The following BRINP1 variants were observed in gnomAD, a reference collection of about 807,000 sequenced individuals.
BRINP1 encodes the protein BMP/retinoic acid inducible neural specific 1.
A neutral mutation model predicts 72.9 loss-of-function variants in BRINP1; 17 were observed. The ratio of observed to expected loss-of-function variants is 0.23; its 90% CI spans 0.16 to 0.35. BRINP1 has a LOEUF of 0.35. BRINP1 is among the 10% of genes least tolerant of loss of function. The pLI is 1.00. For synonymous variants in BRINP1, 418 were observed against 378.5 expected, an observed-to-expected ratio of 1.10 and a Z score of -1.21; for missense variants, 850 against 1,001.6, an observed-to-expected ratio of 0.85 and a Z score of 2.04.
At chr9:119,204,324 A>C (rs1385291969) in intron 7 of BRINP1, among the ~76,000 whole-genome samples, 1 of 152,194 alleles carries the variant, frequency 6.6e-6, no homozygotes, top group Non-Finnish European at 1.5e-5. Context: ...ATTGTTTTAC[A>C]CCAATAGAGA....
At chr9:119,214,812 A>G (rs1829962074) in intron 5 of BRINP1, among the ~76,000 whole-genome samples, 1 of 152,156 alleles carries the variant, frequency 6.6e-6, no homozygotes, top group Admixed American at 6.5e-5. Flanking sequence ...AAGTAAGAGA[A>G]CACTAGGTTA....
chr9:119,214,160 G>T lies in BRINP1; in HGVS notation c.686-5C>A, dbSNP rs760978800. 1.9e-6 allele frequency: 3 copies of T among 1,599,148 alleles called. No homozygotes were observed. On this transcript the variant is annotated splice_region_variant and splice_polypyrimidine_tract_variant and intron_variant, in intron 5 of 7. Coordinates refer to ENST00000265922, the MANE Select transcript of BRINP1 (RefSeq NM_014618.3). ...GAGGAAAGATTATCTGAAGACCTGT[G>T]TGAGAATAGCAAGAAGGGAAAACAG...
intron 2 of BRINP1, among the ~76,000 whole-genome samples, chr9:119,308,221 C>T (rs965574496): frequency 2.6e-5 from 4 of 152,064 alleles, no homozygotes; most frequent in Non-Finnish European, 5.9e-5. Context: ...AACTAGAGTT[C>T]TCTGTAACAT....
At chr9:119,281,474 A>C (rs1157501188) in intron 2 of BRINP1, among the ~76,000 whole-genome samples, 1 of 152,130 alleles carries the variant, frequency 6.6e-6, no homozygotes, top group African/African-American at 2.4e-5. Flanking sequence ...TAAAGAAGGG[A>C]TCAGGGAGAA....
intron 6 of BRINP1, among the ~76,000 whole-genome samples, chr9:119,210,609 G>A (rs957095330): frequency 9.2e-5 from 14 of 151,916 alleles, no homozygotes; most frequent in African/African-American, 3.4e-4. Flanking sequence ...ATTTCCTCTC[G>A]ACACATAAAA....
At chr9:119,309,175 C>T (rs1240659604) in intron 2 of BRINP1, among the ~76,000 whole-genome samples, 2 of 152,180 alleles carry the variant, frequency 1.3e-5, no homozygotes, top group African/African-American at 4.8e-5. Context: ...TATTTGAAAT[C>T]TAAGTTATTG....
chr9:119,330,958 T>G (rs1196610324), intron 1 of BRINP1, among the ~76,000 whole-genome samples: 1 of 152,044 alleles, frequency 6.6e-6, no homozygotes, highest in Admixed American at 6.6e-5. Context: ...ACCCAGCAGG[T>G]GGAGGCTGCA....
rs141542714 is a variant in BRINP1 at position 119,348,902 on chromosome 9, C to T, written c.-51+20154G>A. Among the ~76,000 whole-genome samples the T allele has an allele frequency of 2.0e-3, 308 of 152,166 alleles. 1 individual carries two copies. The highest frequency in any genetic ancestry group is 6.9e-3 in the African/African-American group (286 of 41,518). ...ATCACTGACAAGTGAATGCTCTGGCCGGGTATGTGTGGTGTAAATGTAGCA... is the reference window on the plus strand; with the variant it reads ...ATCACTGACAAGTGAATGCTCTGGCTGGGTATGTGTGGTGTAAATGTAGCA... On this transcript the variant is annotated intron_variant, in intron 1 of 7. Coordinates refer to ENST00000265922, the MANE Select transcript of BRINP1 (RefSeq NM_014618.3).
At chr9:119,294,562 G>A (rs899423687) in intron 2 of BRINP1, among the ~76,000 whole-genome samples, 2 of 151,404 alleles carry the variant, frequency 1.3e-5, no homozygotes, top group African/African-American at 2.4e-5. Context: ...ATTGATGAAG[G>A]AAATTTAAAA....
At chr9:119,340,601 G>A (rs542313844) in intron 1 of BRINP1, among the ~76,000 whole-genome samples, 2 of 152,290 alleles carry the variant, frequency 1.3e-5, no homozygotes, top group East Asian at 1.9e-4. Flanking sequence ...CTCAGAAGTC[G>A]TAGGACTCAA....
At chr9:119,282,493 C>T (rs1178502289) in intron 2 of BRINP1, among the ~76,000 whole-genome samples, 7 of 150,890 alleles carry the variant, frequency 4.6e-5, no homozygotes, top group Non-Finnish European at 8.8e-5. Context: ...GAGAACTGAA[C>T]GAGAAGAAGG....
intron 2 of BRINP1, among the ~76,000 whole-genome samples, chr9:119,271,707 T>C (rs1830607011): frequency 6.6e-6 from 1 of 152,024 alleles, no homozygotes; most frequent in Non-Finnish European, 1.5e-5. Flanking sequence ...AGGAAGAAAG[T>C]AGATGTGGCA....
intron 7 of BRINP1, among the ~76,000 whole-genome samples, chr9:119,200,709 A>G (rs1009567234): frequency 6.6e-6 from 1 of 152,060 alleles, no homozygotes; most frequent in African/African-American, 2.4e-5. Flanking sequence ...CTTGGGTTCA[A>G]TTGGAAAATT....
chr9:119,195,833 G>A (rs1157188241), intron 7 of BRINP1, among the ~76,000 whole-genome samples: 5 of 152,124 alleles, frequency 3.3e-5, no homozygotes, highest in African/African-American at 1.2e-4. Flanking sequence ...GACAACCTGT[G>A]GTATCACACC....
At chr9:119,284,738 T>A (rs931558077) in intron 2 of BRINP1, among the ~76,000 whole-genome samples, 5 of 152,122 alleles carry the variant, frequency 3.3e-5, no homozygotes, top group African/African-American at 1.2e-4. Context: ...TCTCAATAAA[T>A]GTGTTTATCG....
chr9:119,313,463 G>A, intron 1 of BRINP1, 58 bp from the exon 2 acceptor site: 2 of 1,424,104 alleles, frequency 1.4e-6, no homozygotes, highest in Non-Finnish European at 1.9e-6. Flanking sequence ...AGAGAGAGAG[G>A]AGAGGGGAAG....
chr9:119,276,074 T>C (rs1408812392), intron 2 of BRINP1, among the ~76,000 whole-genome samples: 2 of 152,092 alleles, frequency 1.3e-5, no homozygotes, highest in Non-Finnish European at 2.9e-5. Flanking sequence ...TCTTCCCCCT[T>C]CCCTCTCTTT....
At chr9:119,173,846 C>A (rs1213211308) in intron 7 of BRINP1, among the ~76,000 whole-genome samples, 3 of 140,722 alleles carry the variant, frequency 2.1e-5, no homozygotes, top group African/African-American at 9.2e-5. Flanking sequence ...CGCATATCTA[C>A]AACTATCTGA....
At chr9:119,180,374 G>A (rs1829539974) in intron 7 of BRINP1, among the ~76,000 whole-genome samples, 1 of 152,184 alleles carries the variant, frequency 6.6e-6, no homozygotes, top group Non-Finnish European at 1.5e-5. Context: ...CACAAAATGT[G>A]TATTCCACAG....
Sources: gnomAD v4.1 joint callset for allele counts (sites outside exome capture counted in the v4.1 genomes callset) on GRCh38, gnomAD v4.1.1 for gene constraint, MANE v1.5 for transcripts, NCBI Gene and HGNC (gene_info 2026-07-23, HGNC 2026-07-21) for gene names.